Variants in TRIM62 observed in about 807,000 individuals in gnomAD.
The protein encoded by TRIM62 is E3 ubiquitin-protein ligase TRIM62.
Under a neutral mutation model 44.2 loss-of-function variants are expected in TRIM62, and 39 were observed. The ratio of observed to expected loss-of-function variants is 0.88; its 90% confidence interval spans 0.68 to 1.15. The LOEUF (loss-of-function observed/expected upper bound fraction) is 1.15, where lower values mean the gene tolerates loss of function less well. Among genes scored for constraint, TRIM62 ranks in the 50% most tolerant of loss-of-function variants. TRIM62 has a pLI of 0.00. For missense variants in TRIM62, 544 were observed against 665.5 expected, an observed-to-expected ratio of 0.82 and a Z score of 2.01; for synonymous variants, 278 against 292.3, an observed-to-expected ratio of 0.95 and a Z score of 0.50.
chr1:33,156,472 G>C (rs549847073), intron 4 of TRIM62, among the ~76,000 whole-genome samples: 1 of 152,228 alleles, frequency 6.6e-6, no homozygotes, highest in African/African-American at 2.4e-5. Context: ...CTCTCTCCTG[G>C]AAATGCTTCC....
intron 1 of TRIM62, among the ~76,000 whole-genome samples, chr1:33,176,874 C>T (rs1645423732): frequency 6.6e-6 from 1 of 152,150 alleles, no homozygotes; most frequent in Non-Finnish European, 1.5e-5. Context: ...TGAGGTAATG[C>T]AAGAAAAGCC....
chr1:33,167,475 G>A lies in TRIM62; in HGVS notation c.409-1909C>T, dbSNP rs1259629698. Among the ~76,000 whole-genome samples the A allele has an allele frequency of 2.6e-5, 4 of 152,144 alleles. No homozygotes were observed. The highest frequency in any genetic ancestry group is 5.9e-5 in the Non-Finnish European group (4 of 68,038). ...TGGGAATCTAGCCCATTGTATTATC[G>A]CCAGTTGTTCTCCTGTCTGTCTCTT... On this transcript the variant is annotated intron_variant, in intron 1 of 4. Transcript: ENST00000291416. The surrounding 1 kb of genome is among the most constrained non-coding windows in gnomAD (Gnocchi z 4.2).
intron 1 of TRIM62, among the ~76,000 whole-genome samples, chr1:33,168,265 A>G (rs182340887): frequency 6.6e-6 from 1 of 152,330 alleles, no homozygotes; most frequent in Admixed American, 6.5e-5. Context: ...GTAAAGACCA[A>G]AGTCACAAGC....
chr1:33,177,071 A>ACACATG lies in TRIM62; in HGVS notation c.408+3953_408+3954insCATGTG, dbSNP rs1411812412. Among the ~76,000 whole-genome samples the ACACATG allele has an allele frequency of 9.0e-5, 1 of 11,114 alleles. No individual in the cohort carries two copies. The highest frequency in any genetic ancestry group is 2.4e-4 in the Non-Finnish European group (1 of 4,250). 7.3% of individuals were successfully genotyped at this position (11,114 alleles called of 152,430 possible). On this transcript the variant is annotated intron_variant, in intron 1 of 4. Transcript: ENST00000291416. The surrounding 1 kb of genome is among the most constrained non-coding windows in gnomAD (Gnocchi z 4.1). ...CACACGCACACACACACACATGCAC[A>ACACATG]CACACACATGCATGCACAAATGCAC...
In TRIM62 at chr1:33,167,875, T is replaced by A. The variant is rs76462007; in HGVS notation, c.409-2309A>T. ...TCTTTGATTACTATCAATTATTCATTTAAAAAACATTTCTTGGGCAACTAT... is the reference window on the plus strand; with the variant it reads ...TCTTTGATTACTATCAATTATTCATATAAAAAACATTTCTTGGGCAACTAT... On this transcript the variant is annotated intron_variant, in intron 1 of 4. Transcript: ENST00000291416. The surrounding 1 kb of genome is among the most constrained non-coding windows in gnomAD (Gnocchi z 4.2). Among the ~76,000 whole-genome samples the A allele has an allele frequency of 6.6e-6, 1 of 152,208 alleles. No individual in the cohort carries two copies. Among genetic ancestry groups the A allele is most frequent in the Non-Finnish European group, 1.5e-5 (1 of 68,048 alleles).
At chr1:33,149,012 C>T (rs912853403) in intron 4 of TRIM62, among the ~76,000 whole-genome samples, 1 of 152,208 alleles carries the variant, frequency 6.6e-6, no homozygotes, top group Non-Finnish European at 1.5e-5. Flanking sequence ...TCTGCTTACA[C>T]GGTTCCCTCC....
At chr1:33,150,896 G>C (rs1645087272) in intron 4 of TRIM62, among the ~76,000 whole-genome samples, 2 of 152,170 alleles carry the variant, frequency 1.3e-5, no homozygotes, top group Non-Finnish European at 2.9e-5. Context: ...ACAGTGCCCA[G>C]GCATGAACAG....
At chr1:33,180,562 A>C (rs1447637716) in intron 1 of TRIM62, among the ~76,000 whole-genome samples, 2 of 151,366 alleles carry the variant, frequency 1.3e-5, no homozygotes, top group African/African-American at 4.9e-5. Flanking sequence ...CCCCCACAGA[A>C]CCCCCAGCCT....
chr1:33,145,801 T>G lies in TRIM62; in HGVS notation c.*1376A>C. 1 of 467,006 alleles carries G rather than the reference T, an allele frequency of 2.1e-6. No individual in the cohort carries two copies. Among genetic ancestry groups the G allele is most frequent in the Non-Finnish European group, 4.4e-6 (1 of 224,872 alleles). The allele number at this position is 467,006 out of a possible 1,614,324, so 28.9% of individuals were successfully genotyped here. ...CCACCCTCTCCCGAGTTCTTCACGATTGGATGCTGTGGCAGAAAAACGCAG... is the reference window on the plus strand; with the variant it reads ...CCACCCTCTCCCGAGTTCTTCACGAGTGGATGCTGTGGCAGAAAAACGCAG... On this transcript the variant is annotated 3_prime_UTR_variant, in exon 5 of 5. Coordinates refer to ENST00000291416, the MANE Select transcript of TRIM62 (RefSeq NM_018207.3).
At chr1:33,163,143 A>G (rs1320573729) in intron 2 of TRIM62, 1 of 151,938 alleles carries the variant, frequency 6.6e-6, no homozygotes, top group East Asian at 1.9e-4. Context: ...GGTTCAAGCA[A>G]TTCTCCTGCC....
Position 33,145,822 on chromosome 1 carries a change from C to T in TRIM62, c.*1355G>A, listed in dbSNP as rs764522902. 7 of 468,962 alleles carry T rather than the reference C, an allele frequency of 1.5e-5. No homozygotes were observed. Among genetic ancestry groups the T allele is most frequent in the African/African-American group, 4.0e-5 (2 of 49,982 alleles). 29.1% of individuals were successfully genotyped at this position (468,962 alleles called of 1,614,324 possible). On this transcript the variant is annotated 3_prime_UTR_variant, in exon 5 of 5. Coordinates refer to ENST00000291416, the MANE Select transcript of TRIM62 (RefSeq NM_018207.3). The stretch of plus-strand genomic sequence containing the variant: ...ACGATTGGATGCTGTGGCAGAAAAA[C>T]GCAGGTGGGGCTTGCTCCACCCACC...
At chr1:33,157,231 C>T (rs1355843370) in intron 4 of TRIM62, among the ~76,000 whole-genome samples, 1 of 152,206 alleles carries the variant, frequency 6.6e-6, no homozygotes, top group Non-Finnish European at 1.5e-5. Context: ...GACCCTCCTT[C>T]TCACTCATCT....
Position 33,147,516 on chromosome 1 carries a change from C to G in TRIM62, c.1089G>C (p.Trp363Cys). 1 of 1,613,754 alleles carries G rather than the reference C, an allele frequency of 6.2e-7. No individual in the cohort carries two copies. Among genetic ancestry groups the G allele is most frequent in the East Asian group, 2.2e-5 (1 of 44,864 alleles). Residue 363 changes from tryptophan to cysteine, a missense_variant, in exon 5 of 5, where the codon TGG becomes TGC. Physicochemically the swap from Trp to Cys is radical, Grantham distance 215. Coordinates refer to ENST00000291416, the MANE Select transcript of TRIM62 (RefSeq NM_018207.3). This position sits in a 1 kb window ranked among gnomAD's most constrained non-coding sequence, Gnocchi z 8.1. The stretch of plus-strand genomic sequence containing the variant: ...CGGCTTCGTGTGCCAGCCCGATCAC[C>G]CACTGGGTCTTCTCCGCCACCACCA... ...WEVVVAEKTQ[W>C]VIGLAHEAAS...
At position 33,161,049 on chromosome 1, in the gene TRIM62, C is replaced by T. The variant is rs1012505463; in HGVS notation, c.505-1105G>A. Among the ~76,000 whole-genome samples the T allele has an allele frequency of 3.3e-5, 5 of 152,182 alleles. No homozygotes were observed. Among genetic ancestry groups the T allele is most frequent in the African/African-American group, 7.2e-5 (3 of 41,438 alleles). ...TCTCTAGCTATGGCAACGTCAGTTG[C>T]CTAAGAGCTGTGAACCTTAGTTTTC... On this transcript the variant is annotated intron_variant, in intron 2 of 4. Coordinates refer to ENST00000291416, the MANE Select transcript of TRIM62 (RefSeq NM_018207.3). The surrounding 1 kb of genome is among the most constrained non-coding windows in gnomAD (Gnocchi z 4.3).
rs1235282688 is a variant in TRIM62 at position 33,159,851 on chromosome 1, G to T, written c.598C>A (p.Leu200Met). Reference protein sequence around the residue: ...RERQKAMLEELEADTARTLTD... With the variant: ...RERQKAMLEEMEADTARTLTD... Reference sequence around the variant, plus strand: ...AGCGTGCGGGCCGTGTCCGCCTCCAGCTCCTCTAGCATGGCCTTCTGGCGT... The same window carrying T: ...AGCGTGCGGGCCGTGTCCGCCTCCATCTCCTCTAGCATGGCCTTCTGGCGT... The change falls in exon 3 of 5, where the codon CTG becomes ATG. Residue 200 changes from leucine to methionine, a missense_variant. By Grantham distance (15) the Leu-to-Met change is conservative (BLOSUM62 2). Coordinates refer to ENST00000291416, the MANE Select transcript of TRIM62 (RefSeq NM_018207.3). The surrounding 1 kb of genome is among the most constrained non-coding windows in gnomAD (Gnocchi z 4.2). 4.3e-6 allele frequency: 7 copies of T among 1,613,318 alleles called. No homozygotes were observed. The Admixed American group carries it at 1.2e-4, about 27-fold the overall frequency.
chr1:33,159,149 C>T lies in TRIM62; in HGVS notation c.761+539G>A, dbSNP rs1256173648. Among the ~76,000 whole-genome samples the T allele has an allele frequency of 6.6e-6, 1 of 151,876 alleles. No homozygotes were observed. The highest frequency in any genetic ancestry group is 1.5e-5 in the Non-Finnish European group (1 of 67,982). On this transcript the variant is annotated intron_variant, in intron 3 of 4. Transcript: ENST00000291416. This position sits in a 1 kb window ranked among gnomAD's most constrained non-coding sequence, Gnocchi z 4.2. ...TGTGAGCCACCGTGCCCAGCAGGAG[C>T]CTCAGTTTCTACATGCATGAAATGA...
chr1:33,155,585 CCCGA>C (rs1188941043), intron 4 of TRIM62, among the ~76,000 whole-genome samples: 1 of 152,164 alleles, frequency 6.6e-6, no homozygotes, highest in African/African-American at 2.4e-5. Context: ...GGCTCTGGGG[CCCGA>C]CGTTGGGGTT....
At chr1:33,154,937 C>T (rs1645155781) in intron 4 of TRIM62, among the ~76,000 whole-genome samples, 1 of 150,554 alleles carries the variant, frequency 6.6e-6, no homozygotes, top group African/African-American at 2.4e-5. Flanking sequence ...ACTAAAAATA[C>T]AAAAAATTAG....
intron 1 of TRIM62, among the ~76,000 whole-genome samples, chr1:33,170,192 T>G (rs1383742049): frequency 6.6e-6 from 1 of 151,946 alleles, no homozygotes; most frequent in Non-Finnish European, 1.5e-5. Context: ...TAGCCAGGCA[T>G]GGTGGTGGAT....
Sources: gnomAD v4.1 joint callset for allele counts (sites outside exome capture counted in the v4.1 genomes callset) on GRCh38, gnomAD v4.1.1 for gene constraint, Gnocchi (gnomAD v3.1) non-coding constraint, MANE v1.5 for transcripts, NCBI Gene and HGNC (gene_info 2026-07-23, HGNC 2026-07-21) for gene names.